The following GGACT variants were observed in gnomAD, a reference collection of about 807,000 sequenced individuals.
GGACT encodes the protein gamma-glutamylaminecyclotransferase.
For synonymous variants in GGACT, 118 were observed against 115.3 expected (o/e 1.02, Z -0.15); for missense variants, 241 against 233.2 (o/e 1.03, Z -0.22).
At chr13:100,557,160 G>T (rs2153014795) in intron 2 of GGACT, among the ~76,000 whole-genome samples, 2 of 152,228 alleles carry the variant, frequency 1.3e-5, no homozygotes, top group East Asian at 3.9e-4. Context: ...TAAAGTGCTG[G>T]GATTACAGGC....
chr13:100,561,256 A>G (rs1235678841), intron 2 of GGACT, among the ~76,000 whole-genome samples: 2 of 152,212 alleles, frequency 1.3e-5, no homozygotes, highest in African/African-American at 4.8e-5. Context: ...TGGTATAAGC[A>G]ACACTTCCAT....
In GGACT at chr13:100,583,914, C is replaced by T. The variant is rs1875490088; in HGVS notation, c.-100G>A. 2 of 152,158 alleles carry T rather than the reference C, an allele frequency of 1.3e-5. No individual in the cohort carries two copies. The highest frequency in any genetic ancestry group is 1.3e-4 in the Admixed American group (2 of 15,276). The allele number at this position is 152,158 out of a possible 1,614,324, so 9.4% of individuals were successfully genotyped here. On this transcript the variant is annotated 5_prime_UTR_variant, in exon 2 of 3. Coordinates refer to ENST00000683975, the MANE Select transcript of GGACT (RefSeq NM_001195087.2). ...CTTAAAAACTTTTGACTTCAGAATC[C>T]TTCCACATGATTCAAGAAAAAGTTA...
Position 100,534,718 on chromosome 13 carries a change from C to T in GGACT, c.-10-2117G>A, listed in dbSNP as rs181349512. Among the ~76,000 whole-genome samples, 73 of 152,294 alleles carry T rather than the reference C, an allele frequency of 4.8e-4. No individual in the cohort carries two copies. Among genetic ancestry groups the T allele is most frequent in the African/African-American group, 1.7e-3 (71 of 41,558 alleles). ...CCAGCGAGACCCATCAGCACTTCCC[C>T]TGCCACGTCTCCCAACCTGCTCTCC... is the stretch of plus-strand genomic sequence containing the variant. On this transcript the variant is annotated intron_variant, in intron 2 of 2. Coordinates refer to ENST00000683975, the MANE Select transcript of GGACT (RefSeq NM_001195087.2). The surrounding 1 kb of genome is among the most constrained non-coding windows in gnomAD (Gnocchi z 4.9).
chr13:100,571,217 T>C (rs1252809615), intron 2 of GGACT, among the ~76,000 whole-genome samples: 1 of 152,302 alleles, frequency 6.6e-6, no homozygotes, highest in East Asian at 1.9e-4. Flanking sequence ...CACACTTTTG[T>C]AAGTAGGGAG....
intron 2 of GGACT, among the ~76,000 whole-genome samples, chr13:100,564,599 C>G (rs1161625359): frequency 1.3e-5 from 2 of 152,198 alleles, no homozygotes; most frequent in African/African-American, 4.8e-5. Flanking sequence ...AATTTCTTAT[C>G]ATTCTATTTA....
At chr13:100,571,372 A>G (rs1302005905) in intron 2 of GGACT, among the ~76,000 whole-genome samples, 2 of 152,246 alleles carry the variant, frequency 1.3e-5, no homozygotes, top group African/African-American at 4.8e-5. Context: ...ATGATCATAT[A>G]GAAGTGCCAT....
At chr13:100,570,479 G>GC (rs1433055987) in intron 2 of GGACT, among the ~76,000 whole-genome samples, 2 of 152,114 alleles carry the variant, frequency 1.3e-5, no homozygotes, top group East Asian at 3.9e-4. Context: ...GAACAGGATG[G>GC]GGGGGAACCG....
At chr13:100,557,538 C>CG (rs55681593) in intron 2 of GGACT, among the ~76,000 whole-genome samples, 88,526 of 151,904 alleles carry the variant, frequency 0.58, 26,213 homozygotes, top group East Asian at 0.8. Flanking sequence ...GACTTTTAAA[C>CG]AATGGTGCTG....
chr13:100,550,417 TACACACACACACACACAC>T (rs61669253), intron 2 of GGACT, among the ~76,000 whole-genome samples: 6 of 72,514 alleles, frequency 8.3e-5, no homozygotes, highest in African/African-American at 2.5e-4. Context: ...GATTATACTC[TACACACACACACACACAC>T]ACACACACAC....
intron 2 of GGACT, chr13:100,533,653 C>T (rs2088450018): frequency 6.6e-6 from 1 of 152,268 alleles, no homozygotes; most frequent in South Asian, 2.1e-4. Context: ...AGCACCCACA[C>T]CTTCTGGTGT....
intron 2 of GGACT, among the ~76,000 whole-genome samples, chr13:100,554,308 G>T (rs1056696317): frequency 3.9e-5 from 6 of 152,132 alleles, no homozygotes; most frequent in Non-Finnish European, 7.3e-5. Context: ...AACTCCTATT[G>T]CAGAAAAGTT....
intron 1 of GGACT, among the ~76,000 whole-genome samples, chr13:100,584,845 A>G (rs997205531): frequency 1.3e-5 from 2 of 152,228 alleles, no homozygotes; most frequent in Non-Finnish European, 2.9e-5. Context: ...TACAAATAAG[A>G]AAAGTAAAAA....
intron 1 of GGACT, among the ~76,000 whole-genome samples, chr13:100,586,301 A>G (rs937515552): frequency 6.6e-6 from 1 of 152,204 alleles, no homozygotes; most frequent in Non-Finnish European, 1.5e-5. Context: ...TGAAGTGGAT[A>G]TGGCCAAACA....
intron 2 of GGACT, chr13:100,537,931 C>A (rs545754235): frequency 6.6e-6 from 1 of 152,310 alleles, no homozygotes; most frequent in South Asian, 2.1e-4. Context: ...GACAAGCAGG[C>A]TTAGGACAGA....
At chr13:100,579,475 A>G (rs1481751217) in intron 2 of GGACT, among the ~76,000 whole-genome samples, 1 of 152,002 alleles carries the variant, frequency 6.6e-6, no homozygotes, top group African/African-American at 2.4e-5. Context: ...CCTTTCCCCA[A>G]AGCCAGCCAT....
chr13:100,531,986 A>T lies in GGACT; in HGVS notation c.*144T>A. On this transcript the variant is annotated 3_prime_UTR_variant, in exon 3 of 3. Coordinates refer to ENST00000683975, the MANE Select transcript of GGACT (RefSeq NM_001195087.2). The stretch of plus-strand genomic sequence containing the variant: ...ATTCGTATCTCAACATTATTTGTAA[A>T]ATCAGCTGCCACTGAAAGATTGGTT... 1 of 503,426 alleles carries T rather than the reference A, an allele frequency of 2.0e-6. No homozygotes were observed. Among genetic ancestry groups the T allele is most frequent in the East Asian group, 3.3e-5 (1 of 30,608 alleles). 31.2% of individuals were successfully genotyped at this position (503,426 alleles called of 1,614,324 possible).
intron 2 of GGACT, among the ~76,000 whole-genome samples, chr13:100,551,301 C>T (rs900904931): frequency 1.3e-5 from 2 of 151,952 alleles, no homozygotes; most frequent in African/African-American, 4.8e-5. Flanking sequence ...AAACAAAAAC[C>T]CATAATGTAT....
At chr13:100,540,492 G>A (rs1318541379) in intron 2 of GGACT, among the ~76,000 whole-genome samples, 2 of 152,046 alleles carry the variant, frequency 1.3e-5, no homozygotes, top group South Asian at 4.1e-4. Context: ...GTCCATTTCT[G>A]GTTTTAGTTA....
At chr13:100,554,703 T>C (rs1279606770) in intron 2 of GGACT, among the ~76,000 whole-genome samples, 1 of 152,196 alleles carries the variant, frequency 6.6e-6, no homozygotes, top group East Asian at 1.9e-4. Context: ...CTTTAAAATA[T>C]GTCAGCATAT....
Sources: gnomAD v4.1 joint callset for allele counts (sites outside exome capture counted in the v4.1 genomes callset) on GRCh38, gnomAD v4.1.1 for gene constraint, Gnocchi (gnomAD v3.1) non-coding constraint, MANE v1.5 for transcripts, NCBI Gene and HGNC (gene_info 2026-07-23, HGNC 2026-07-21) for gene names.